FBXL20: variants seen among roughly 807,000 people sequenced by gnomAD.
FBXL20 encodes the protein F-box and leucine rich repeat protein 20, also known as F-box/LRR-repeat protein 20.
Under a neutral mutation model 64.0 loss-of-function variants are expected in FBXL20, and 11 were observed. The ratio of observed to expected loss-of-function variants is 0.17; its 90% CI spans 0.11 to 0.28. The LOEUF (loss-of-function observed/expected upper bound fraction) is 0.28, where lower values mean the gene tolerates loss of function less well. FBXL20 is among the 10% of genes least tolerant of loss of function. FBXL20 has a pLI of 1.00. For synonymous variants in FBXL20, 184 were observed against 189.0 expected, an observed-to-expected ratio of 0.97 and a Z score of 0.22; for missense variants, 303 against 526.2, an observed-to-expected ratio of 0.58 and a Z score of 4.15.
chr17:39,401,785 C>A, upstream of FBXL20: 1 of 959,106 alleles, frequency 1.0e-6, no homozygotes, highest in Non-Finnish European at 1.3e-6. Context: ...CTCCCCCACA[C>A]GGGGCCGGCC....
At chr17:39,367,151 G>A (rs1597823630) in intron 1 of FBXL20, among the ~76,000 whole-genome samples, 1 of 152,000 alleles carries the variant, frequency 6.6e-6, no homozygotes, top group Admixed American at 6.6e-5. Flanking sequence ...CAAAAGTGCT[G>A]GGATTGTAGG....
chr17:39,328,567 C>T (rs938855389), intron 2 of FBXL20, among the ~76,000 whole-genome samples: 8 of 152,112 alleles, frequency 5.3e-5, no homozygotes, highest in East Asian at 1.9e-4. Context: ...TGAATCCATA[C>T]GGATATAAAC....
chr17:39,333,926 A>T (rs1216774024), intron 2 of FBXL20, among the ~76,000 whole-genome samples: 1 of 152,014 alleles, frequency 6.6e-6, no homozygotes, highest in African/African-American at 2.4e-5. Flanking sequence ...CCCGTCTGGG[A>T]AGTGAGGAGC....
chr17:39,325,323 C>CCTT (rs1173034805), intron 2 of FBXL20, among the ~76,000 whole-genome samples: 1 of 152,134 alleles, frequency 6.6e-6, no homozygotes, highest in Non-Finnish European at 1.5e-5. Context: ...TTAAGTAATA[C>CCTT]CTTTTTGTAC....
chr17:39,331,817 A>G (rs1417511861), intron 2 of FBXL20, among the ~76,000 whole-genome samples: 1 of 152,226 alleles, frequency 6.6e-6, no homozygotes, highest in Non-Finnish European at 1.5e-5. Context: ...TCATTAACTA[A>G]ACAGCCCTGC....
In FBXL20 at chr17:39,270,188, A is replaced by G. The variant is rs33933929; in HGVS notation, c.888+608T>C. 3.3e-5 allele frequency among the ~76,000 whole-genome samples: 5 copies of G among 152,094 alleles called. No homozygotes were observed. In the South Asian group the frequency reaches 6.2e-4, roughly 19 times the overall value. On this transcript the variant is annotated intron_variant, in intron 11 of 14. Transcript: ENST00000264658. ...CTAGTCATGTACCAAATAACCAATA[A>G]GTTTTTTCACAAAGTACCAAGAAGC... is the stretch of plus-strand genomic sequence containing the variant.
chr17:39,315,928 T>C (rs2144498441), intron 2 of FBXL20, among the ~76,000 whole-genome samples: 1 of 149,692 alleles, frequency 6.7e-6, no homozygotes, highest in South Asian at 2.2e-4. Context: ...ATAAAATACA[T>C]TAACCATAAT....
rs141053084 is a variant in FBXL20 at position 39,390,517 on chromosome 17, C to T, written c.42+10844G>A. 1.1e-3 allele frequency among the ~76,000 whole-genome samples: 174 copies of T among 151,376 alleles called. 3 individuals carry two copies. In the East Asian group the frequency reaches 0.031, roughly 27 times the overall value. On this transcript the variant is annotated intron_variant, in intron 1 of 14. Coordinates refer to ENST00000264658, the MANE Select transcript of FBXL20 (RefSeq NM_032875.3). ...CAGAGGTTGCAGTGAGCTGAGATGGCGCCACTGCACTCCAACCTGGGTGAC... is the reference window on the plus strand; with the variant it reads ...CAGAGGTTGCAGTGAGCTGAGATGGTGCCACTGCACTCCAACCTGGGTGAC...
intron 1 of FBXL20, among the ~76,000 whole-genome samples, chr17:39,351,761 AT>A (rs1460296200): frequency 1.3e-5 from 2 of 152,200 alleles, no homozygotes; most frequent in Admixed American, 1.3e-4. Context: ...GAGCAACTAG[AT>A]TCTTCTCTTC....
At chr17:39,276,368 G>A (rs1486525693) in intron 9 of FBXL20, among the ~76,000 whole-genome samples, 1 of 150,136 alleles carries the variant, frequency 6.7e-6, no homozygotes, top group African/African-American at 2.4e-5. Flanking sequence ...GGAAGAAGGA[G>A]GGAGGGAGGG....
At chr17:39,336,966 C>G (rs1374562680) in intron 2 of FBXL20, among the ~76,000 whole-genome samples, 2 of 151,626 alleles carry the variant, frequency 1.3e-5, no homozygotes, top group Non-Finnish European at 2.9e-5. Flanking sequence ...CCCTCCTCTC[C>G]CTCCTCTCCC....
intron 2 of FBXL20, among the ~76,000 whole-genome samples, chr17:39,322,971 A>ATT (rs773294739): frequency 2.3e-5 from 2 of 87,624 alleles, no homozygotes; most frequent in East Asian, 3.1e-4. Flanking sequence ...CGCCCAGCTA[A>ATT]TTTTTTTTTT....
Position 39,252,902 on chromosome 17 carries a change from C to T in FBXL20, c.*8558G>A, listed in dbSNP as rs911002357. The T allele has an allele frequency of 3.9e-5, 6 of 151,958 alleles. No homozygotes were observed. Among genetic ancestry groups the T allele is most frequent in the Non-Finnish European group, 7.3e-5 (5 of 68,030 alleles). The allele number at this position is 151,958 out of a possible 1,614,324, so 9.4% of individuals were successfully genotyped here. A position where few individuals can be genotyped will look rare whatever the true frequency, so the allele number is the denominator to read the frequency against. On this transcript the variant is annotated 3_prime_UTR_variant, in exon 15 of 15. Transcript: ENST00000264658. ...CAAAAGTACTGGGTGGAAACAGTCA[C>T]TTGGAGAGCTAATGGAACCTGGTGC...
chr17:39,292,031 T>G (rs1336230375), intron 6 of FBXL20, among the ~76,000 whole-genome samples: 1 of 150,740 alleles, frequency 6.6e-6, no homozygotes, highest in Non-Finnish European at 1.5e-5. Context: ...TTATGGCTCA[T>G]TATTTGGTTT....
intron 1 of FBXL20, among the ~76,000 whole-genome samples, 189 bp from the exon 2 acceptor site, chr17:39,343,430 T>A (rs2047601697): frequency 1.3e-5 from 2 of 152,142 alleles, no homozygotes; most frequent in African/African-American, 4.8e-5. Flanking sequence ...TCATTCCCTG[T>A]CTCCAAAGAA....
chr17:39,316,333 G>A (rs556601254), intron 2 of FBXL20, among the ~76,000 whole-genome samples: 3 of 151,032 alleles, frequency 2.0e-5, no homozygotes, highest in African/African-American at 7.3e-5. Context: ...CTTTCCCCCC[G>A]AGCTCTGTCT....
intron 1 of FBXL20, among the ~76,000 whole-genome samples, chr17:39,365,558 C>A (rs1417535107): frequency 3.3e-5 from 5 of 152,192 alleles, no homozygotes; most frequent in Non-Finnish European, 7.3e-5. Flanking sequence ...ACTCAATATT[C>A]TGAGCTTTCT....
chr17:39,334,438 TCTCCGAGAAACACC>T (rs2047499655), intron 2 of FBXL20, among the ~76,000 whole-genome samples: 1 of 146,974 alleles, frequency 6.8e-6, no homozygotes, highest in Non-Finnish European at 1.5e-5. Flanking sequence ...CAAATCCCCC[TCTCCGAGAAACACC>T]CAAGAATGAT....
At chr17:39,310,907 C>A (rs2047229368) in intron 2 of FBXL20, among the ~76,000 whole-genome samples, 1 of 151,940 alleles carries the variant, frequency 6.6e-6, no homozygotes, top group Non-Finnish European at 1.5e-5. Context: ...ATCGCTTGAA[C>A]CCAGGGGGGC....
Sources: allele counts gnomAD v4.1 joint callset (sites outside exome capture counted in the v4.1 genomes callset), GRCh38; gene constraint gnomAD v4.1.1; transcripts MANE v1.5; gene names NCBI Gene and HGNC (gene_info 2026-07-23, HGNC 2026-07-21).